SLCO6A1: variants seen among roughly 807,000 people sequenced by gnomAD.
The protein encoded by SLCO6A1 is cancer/testis antigen 48.
In SLCO6A1, 65 loss-of-function variants were observed where a neutral mutation model predicts 72.7. The ratio of observed to expected loss-of-function variants is 0.89; its 90% CI spans 0.73 to 1.10. The LOEUF is 1.10. SLCO6A1 is among the 50% of genes least tolerant of loss of function. The probability of loss-of-function intolerance (pLI) is 0.00; values close to 1 mark genes in which losing one functional copy is unlikely to be tolerated. For missense variants in SLCO6A1, 874 were observed against 872.6 expected, an observed-to-expected ratio of 1.00 and a Z score of -0.02; for synonymous variants, 314 against 298.2, an observed-to-expected ratio of 1.05 and a Z score of -0.55.
At chr5:102,448,092 A>G in intron 6 of SLCO6A1, among the ~76,000 whole-genome samples, 1 of 152,148 alleles carries the variant, frequency 6.6e-6, no homozygotes, top group Admixed American at 6.6e-5. Flanking sequence ...ATTACTTTCA[A>G]AGAATTTCTT....
At chr5:102,465,510 G>A (rs1751267520) in intron 4 of SLCO6A1, among the ~76,000 whole-genome samples, 1 of 151,924 alleles carries the variant, frequency 6.6e-6, no homozygotes, top group Non-Finnish European at 1.5e-5. Context: ...AATTAATAGT[G>A]TGCATTCATG....
chr5:102,387,466 CAA>C lies in SLCO6A1; in HGVS notation c.2017+1220_2017+1221del, dbSNP rs1561418634. Among the ~76,000 whole-genome samples, 3 of 152,244 alleles carry C rather than the reference CAA, an allele frequency of 2.0e-5. No individual in the cohort carries two copies. In the East Asian group the frequency reaches 5.8e-4, roughly 29 times the overall value. ...CTAAAATAAAAATTTAAAGTCTCAG[CAA>C]AGTTTTAAGACTTCCTTAAGAACAT... On this transcript the variant is annotated intron_variant, in intron 12 of 13. Transcript: ENST00000506729.
intron 7 of SLCO6A1, among the ~76,000 whole-genome samples, chr5:102,435,879 A>C (rs1749504277): frequency 6.6e-6 from 1 of 151,866 alleles, no homozygotes; most frequent in Admixed American, 6.6e-5. Flanking sequence ...CCATCTCAAA[A>C]AAAAAAAAAA....
chr5:102,487,955 C>A (rs186078760), intron 1 of SLCO6A1, among the ~76,000 whole-genome samples: 2 of 152,176 alleles, frequency 1.3e-5, no homozygotes, highest in African/African-American at 4.8e-5. Flanking sequence ...AAGTTAGGAC[C>A]AACTAAATCC....
At chr5:102,389,627 TA>T (rs1561420862) in intron 11 of SLCO6A1, among the ~76,000 whole-genome samples, 1 of 151,204 alleles carries the variant, frequency 6.6e-6, no homozygotes, top group Non-Finnish European at 1.5e-5. Context: ...GTGATAGTAC[TA>T]TTTTTAATTA....
chr5:102,469,270 G>A (rs971686847), intron 4 of SLCO6A1, among the ~76,000 whole-genome samples: 4 of 152,030 alleles, frequency 2.6e-5, no homozygotes, highest in East Asian at 1.9e-4. Flanking sequence ...CTATTTTCAC[G>A]ATACTGATTC....
intron 7 of SLCO6A1, among the ~76,000 whole-genome samples, chr5:102,431,318 T>C (rs1749205939): frequency 6.6e-6 from 1 of 152,200 alleles, no homozygotes; most frequent in African/African-American, 2.4e-5. Flanking sequence ...GGTTTGCTGT[T>C]GCTTCTCTAG....
intron 6 of SLCO6A1, among the ~76,000 whole-genome samples, chr5:102,443,722 T>C (rs1319345766): frequency 6.6e-6 from 1 of 152,210 alleles, no homozygotes; most frequent in Non-Finnish European, 1.5e-5. Context: ...ATAGATTTCC[T>C]TCCAATAAAA....
chr5:102,423,313 A>G (rs1222882677), intron 7 of SLCO6A1, among the ~76,000 whole-genome samples: 1 of 152,188 alleles, frequency 6.6e-6, no homozygotes, highest in East Asian at 1.9e-4. Context: ...ACCCCAATTA[A>G]TAGATACAGA....
intron 7 of SLCO6A1, among the ~76,000 whole-genome samples, chr5:102,425,736 C>T (rs896512630): frequency 2.6e-5 from 4 of 152,138 alleles, no homozygotes; most frequent in African/African-American, 9.7e-5. Flanking sequence ...ATCAAACTAC[C>T]ATTGACTTTA....
chr5:102,416,529 G>A (rs948325200), intron 8 of SLCO6A1, among the ~76,000 whole-genome samples: 1 of 152,004 alleles, frequency 6.6e-6, no homozygotes, highest in East Asian at 1.9e-4. Flanking sequence ...TAAAACTTGT[G>A]TACCCATAAT....
chr5:102,439,627 T>C (rs1175793533), intron 6 of SLCO6A1, among the ~76,000 whole-genome samples: 4 of 152,108 alleles, frequency 2.6e-5, no homozygotes, highest in Non-Finnish European at 5.9e-5. Context: ...TTGTCTTGCC[T>C]TCAACTCTCT....
intron 7 of SLCO6A1, among the ~76,000 whole-genome samples, chr5:102,427,329 A>C: frequency 6.6e-6 from 1 of 152,110 alleles, no homozygotes; most frequent in Non-Finnish European, 1.5e-5. Flanking sequence ...TACAGGGGAG[A>C]AACCTGGCAA....
At chr5:102,376,920 C>T (rs959085619) in intron 12 of SLCO6A1, among the ~76,000 whole-genome samples, 3 of 151,988 alleles carry the variant, frequency 2.0e-5, no homozygotes, top group African/African-American at 7.2e-5. Flanking sequence ...ATTCCAAAAC[C>T]TTGGGAGGCG....
At position 102,376,611 on chromosome 5, in the gene SLCO6A1, A is replaced by G. The variant is rs148007247; in HGVS notation, c.2018-3117T>C. Reference sequence around the variant, plus strand: ...AACCTACAAATTTTAGCATCCCTCAAGTCAATAATAGAACACAAATACAAT... The same window carrying G: ...AACCTACAAATTTTAGCATCCCTCAGGTCAATAATAGAACACAAATACAAT... On this transcript the variant is annotated intron_variant, in intron 12 of 13. Transcript: ENST00000506729. Among the ~76,000 whole-genome samples, 373 of 152,306 alleles carry G rather than the reference A, an allele frequency of 2.4e-3. 1 individual carries two copies. The highest frequency in any genetic ancestry group is 8.5e-3 in the African/African-American group (353 of 41,580).
At chr5:102,464,298 C>A (rs1176494801) in intron 4 of SLCO6A1, among the ~76,000 whole-genome samples, 1 of 151,972 alleles carries the variant, frequency 6.6e-6, no homozygotes, top group African/African-American at 2.4e-5. Flanking sequence ...CTATAATATA[C>A]CATATACAAA....
At chr5:102,471,053 C>A (rs1751584501) in intron 4 of SLCO6A1, among the ~76,000 whole-genome samples, 1 of 151,836 alleles carries the variant, frequency 6.6e-6, no homozygotes, top group Non-Finnish European at 1.5e-5. Flanking sequence ...CATGGTTTTT[C>A]TTTCGTGAGT....
chr5:102,409,247 G>T (rs991116576), intron 9 of SLCO6A1, among the ~76,000 whole-genome samples: 1 of 152,058 alleles, frequency 6.6e-6, no homozygotes, highest in East Asian at 1.9e-4. Flanking sequence ...ATCGTTAGAG[G>T]TATAGTATTT....
intron 12 of SLCO6A1, among the ~76,000 whole-genome samples, chr5:102,374,723 T>A (rs1274194959): frequency 6.6e-6 from 1 of 152,156 alleles, no homozygotes; most frequent in African/African-American, 2.4e-5. Flanking sequence ...AGTTGTAACA[T>A]TAAACAATTG....
Sources: allele counts gnomAD v4.1 joint callset (sites outside exome capture counted in the v4.1 genomes callset), GRCh38; gene constraint gnomAD v4.1.1; transcripts MANE v1.5; gene names NCBI Gene and HGNC (gene_info 2026-07-23, HGNC 2026-07-21).